The following TMEM132D variants were observed in gnomAD, a reference collection of about 807,000 sequenced individuals.
TMEM132D encodes the protein transmembrane protein 132D, also known as mature OL transmembrane protein.
TMEM132D carries 21 observed loss-of-function variants against 62.3 expected under a neutral mutation model. The ratio of observed to expected loss-of-function variants is 0.34; its 90% CI spans 0.24 to 0.49. The LOEUF (loss-of-function observed/expected upper bound fraction) is 0.49. Ranked by LOEUF, TMEM132D falls within the 20% of genes least tolerant of loss-of-function variation. TMEM132D has a pLI of 0.99. For missense variants in TMEM132D, 1,346 were observed against 1,402.8 expected (o/e 0.96, Z 0.65); for synonymous variants, 621 against 575.6 (o/e 1.08, Z -1.13).
chr12:129,583,280 G>A (rs2137128495), intron 2 of TMEM132D, among the ~76,000 whole-genome samples: 1 of 152,308 alleles, frequency 6.6e-6, no homozygotes, highest in East Asian at 1.9e-4. Context: ...GTCTAGAAAT[G>A]GCAAAACTAT....
At chr12:129,144,705 C>G (rs1010522402) in intron 5 of TMEM132D, among the ~76,000 whole-genome samples, 2 of 152,000 alleles carry the variant, frequency 1.3e-5, no homozygotes, top group African/African-American at 4.8e-5. Flanking sequence ...ATCTATCTAT[C>G]TAGCGACCTA....
At chr12:129,639,733 C>T (rs914970518) in intron 2 of TMEM132D, among the ~76,000 whole-genome samples, 2 of 152,118 alleles carry the variant, frequency 1.3e-5, no homozygotes, top group Non-Finnish European at 2.9e-5. Flanking sequence ...TCAAACTCCC[C>T]GAATGTAGTT....
chr12:129,209,842 G>C, intron 4 of TMEM132D, 179 bp from the exon 5 acceptor site: 1 of 778,368 alleles, frequency 1.3e-6, no homozygotes, highest in Non-Finnish European at 2.0e-6. Flanking sequence ...ATAATGTTCT[G>C]TCCTCACCCA....
At chr12:129,451,054 G>C (rs190169846) in intron 3 of TMEM132D, among the ~76,000 whole-genome samples, 2 of 151,986 alleles carry the variant, frequency 1.3e-5, no homozygotes, top group Admixed American at 6.6e-5. Flanking sequence ...GAGCCACCGC[G>C]CCCGGCCAAT....
In TMEM132D at chr12:129,620,220, G is replaced by A. The variant is rs777292054; in HGVS notation, c.968+79590C>T. ...CTGTCTCCTGGAGGCTGGAATTACCGTGGCAGCCACTTCCCTGCTCTTGGG... is the reference window on the plus strand; with the variant it reads ...CTGTCTCCTGGAGGCTGGAATTACCATGGCAGCCACTTCCCTGCTCTTGGG... On this transcript the variant is annotated intron_variant, in intron 2 of 8. Transcript: ENST00000422113. 6.0e-4 allele frequency among the ~76,000 whole-genome samples: 92 copies of A among 152,300 alleles called. 1 individual carries two copies. The highest frequency in any genetic ancestry group is 3.9e-4 in the East Asian group (2 of 5,178).
At chr12:129,409,516 G>A (rs1261944286) in intron 3 of TMEM132D, among the ~76,000 whole-genome samples, 2 of 152,174 alleles carry the variant, frequency 1.3e-5, no homozygotes, top group Non-Finnish European at 2.9e-5. Flanking sequence ...CACACCATGT[G>A]AGAGAAATTT....
At chr12:129,141,573 G>A (rs1410981860) in intron 5 of TMEM132D, among the ~76,000 whole-genome samples, 1 of 152,162 alleles carries the variant, frequency 6.6e-6, no homozygotes, top group African/African-American at 2.4e-5. Context: ...AGAGCTTAGT[G>A]AACTAAGTTG....
intron 1 of TMEM132D, among the ~76,000 whole-genome samples, chr12:129,828,246 C>T (rs540664755): frequency 6.6e-6 from 1 of 152,102 alleles, no homozygotes; most frequent in African/African-American, 2.4e-5. Flanking sequence ...GAGAATTTTC[C>T]TTAGCTTGTT....
chr12:129,430,244 G>C (rs928571027), intron 3 of TMEM132D, among the ~76,000 whole-genome samples: 3 of 152,146 alleles, frequency 2.0e-5, no homozygotes, highest in Admixed American at 6.5e-5. Context: ...TCCAGCACCT[G>C]TCGTTTCCTG....
intron 3 of TMEM132D, among the ~76,000 whole-genome samples, chr12:129,529,414 A>G (rs1161667172): frequency 6.6e-6 from 1 of 152,230 alleles, no homozygotes; most frequent in Non-Finnish European, 1.5e-5. Context: ...GGCAGCTTAC[A>G]TTTCAATGGG....
chr12:129,393,902 C>G (rs529451457), intron 3 of TMEM132D, among the ~76,000 whole-genome samples: 4 of 152,158 alleles, frequency 2.6e-5, no homozygotes, highest in Non-Finnish European at 5.9e-5. Flanking sequence ...AACATCCCCC[C>G]AGAAACTCCG....
chr12:129,323,162 C>T (rs1046250057), intron 4 of TMEM132D, among the ~76,000 whole-genome samples: 1 of 152,062 alleles, frequency 6.6e-6, no homozygotes, highest in African/African-American at 2.4e-5. Flanking sequence ...GCAGGGAGGC[C>T]TTTCTGTTGT....
chr12:129,104,962 A>G (rs1180394334), intron 5 of TMEM132D, among the ~76,000 whole-genome samples: 2 of 148,062 alleles, frequency 1.4e-5, no homozygotes, highest in African/African-American at 5.2e-5. Context: ...AAACTAGTTC[A>G]ACCATTGTGG....
intron 5 of TMEM132D, among the ~76,000 whole-genome samples, chr12:129,090,386 G>T (rs888229435): frequency 6.6e-6 from 1 of 152,034 alleles, no homozygotes; most frequent in African/African-American, 2.4e-5. Context: ...GAAAGAAAGG[G>T]GCTGGGCGCA....
At chr12:129,823,544 C>A (rs1425593948) in intron 1 of TMEM132D, among the ~76,000 whole-genome samples, 2 of 152,234 alleles carry the variant, frequency 1.3e-5, no homozygotes, top group African/African-American at 4.8e-5. Flanking sequence ...CGGGCTCAGG[C>A]CTGTGATGCA....
chr12:129,180,396 G>A (rs1047408782), intron 5 of TMEM132D, among the ~76,000 whole-genome samples: 2 of 152,118 alleles, frequency 1.3e-5, no homozygotes, highest in Non-Finnish European at 2.9e-5. Context: ...TCACGTACAT[G>A]GGTTCCTGTG....
chr12:129,749,263 G>C (rs1869919706), intron 1 of TMEM132D, among the ~76,000 whole-genome samples: 1 of 152,186 alleles, frequency 6.6e-6, no homozygotes, highest in African/African-American at 2.4e-5. Flanking sequence ...CAGAGCCAGA[G>C]CTCATAGCAC....
At chr12:129,690,080 T>C (rs1171735589) in intron 2 of TMEM132D, among the ~76,000 whole-genome samples, 1 of 152,176 alleles carries the variant, frequency 6.6e-6, no homozygotes, top group Non-Finnish European at 1.5e-5. Flanking sequence ...GCAAAGGACA[T>C]GAGGGTAAAC....
intron 4 of TMEM132D, among the ~76,000 whole-genome samples, chr12:129,328,429 T>C (rs7965419): frequency 0.032 from 4,905 of 152,292 alleles, 241 homozygotes; most frequent in African/African-American, 0.11. Context: ...GTACAACAGC[T>C]AGGGCTGTAA....
Sources: gnomAD v4.1 joint callset for allele counts (sites outside exome capture counted in the v4.1 genomes callset) on GRCh38, gnomAD v4.1.1 for gene constraint, MANE v1.5 for transcripts, NCBI Gene and HGNC (gene_info 2026-07-23, HGNC 2026-07-21) for gene names.